HEPH: variants seen among roughly 807,000 people sequenced by gnomAD.
The protein encoded by HEPH is hephaestin.
In HEPH, 69 loss-of-function variants were observed where a neutral mutation model predicts 80.8. That is an observed-to-expected ratio of 0.85 (90% CI 0.70 to 1.04). The LOEUF is 1.04. Among genes scored for constraint, HEPH ranks in the 50% least tolerant of loss-of-function variants. The pLI, the probability that HEPH is intolerant of heterozygous loss-of-function variation, is 0.00. For missense variants in HEPH, 1,115 were observed against 891.3 expected (o/e 1.25, Z -3.20); for synonymous variants, 431 against 322.8 (o/e 1.34, Z -3.60).
chrX:66,252,101 C>T (rs759937233), intron 15 of HEPH, among the ~76,000 whole-genome samples: 4 of 111,265 alleles, frequency 3.6e-5, no homozygotes, highest in African/African-American at 6.5e-5. Flanking sequence ...ATGAGATAGA[C>T]TTTTCAGGTA....
chrX:66,197,457 G>A (rs2088164767), intron 9 of HEPH, among the ~76,000 whole-genome samples: 1 of 111,303 alleles, frequency 9.0e-6, no homozygotes, highest in African/African-American at 3.3e-5. Flanking sequence ...CTGAAACATA[G>A]GGAAGATTAA....
Position 66,193,619 on chromosome X carries a change from T to A in HEPH, c.1350T>A (p.Asp450Glu). 8.4e-7 allele frequency: 1 copy of A among 1,189,081 alleles called. No homozygotes were observed. Among genetic ancestry groups the A allele is most frequent in the South Asian group, 1.9e-5 (1 of 53,089 alleles). The change falls in exon 8 of 21, where the codon GAT (aspartate) becomes GAA (glutamate). Residue 450 changes from aspartate to glutamate, a missense_variant. By Grantham distance (45) the Asp-to-Glu change is conservative. This residue lies in a region of HEPH where 391 missense variants were observed against 343.6 expected (regional missense o/e 1.14). Coordinates refer to ENST00000343002, the MANE Select transcript of HEPH (RefSeq NM_001367233.3). Reference protein sequence around the residue: ...TFQEKMHLEEDRHLGILGPVI... With the variant: ...TFQEKMHLEEERHLGILGPVI... ...AAGAGAAGATGCATTTGGAGGAAGA[T>A]AGGCATCTTGGAATCCTGGGTGAGG...
rs1569318899 is a variant in HEPH at position 66,197,741 on chromosome X, A to T, written c.1560A>T (p.Thr520=). 1 of 1,211,746 alleles carries T rather than the reference A, an allele frequency of 8.3e-7. No homozygotes were observed. Among genetic ancestry groups the T allele is most frequent in the Non-Finnish European group, 1.1e-6 (1 of 895,398 alleles). Residue 520 remains threonine (T), a synonymous_variant, in exon 10 of 21, where the codon ACA becomes ACT. Transcript: ENST00000343002. ...TTGAGAAAGTAACATACCGCTGGAC[A>T]GTCCCCCCTCATGCCGGTCCCACTG... ...KPFEKVTYRW[T]VPPHAGPTAQ... is the part of the protein sequence containing the mutation.
At chrX:66,240,561 A>G (rs2090532301) in intron 15 of HEPH, among the ~76,000 whole-genome samples, 2 of 110,548 alleles carry the variant, frequency 1.8e-5, no homozygotes, top group African/African-American at 3.3e-5. Flanking sequence ...ATACAACGTA[A>G]AATCTACTGA....
chrX:66,265,221 A>G lies in HEPH; in HGVS notation c.3245-1219A>G, dbSNP rs913397647. Among the ~76,000 whole-genome samples the G allele has an allele frequency of 2.7e-4, 30 of 110,954 alleles. 1 individual carries two copies. Among genetic ancestry groups the G allele is most frequent in the African/African-American group, 9.8e-4 (30 of 30,529 alleles). On this transcript the variant is annotated intron_variant, in intron 20 of 20. Transcript: ENST00000343002. ...GAATTACATTGATTGATGTTGATGA[A>G]CAATCATCAAACAAGTGTCAGGTAC...
At position 66,255,136 on chromosome X, in the gene HEPH, A is replaced by T; in HGVS notation, c.2665A>T (p.Ile889Phe). 4.2e-6 allele frequency: 5 copies of T among 1,181,145 alleles called. No individual in the cohort carries two copies. The highest frequency in any genetic ancestry group is 5.7e-6 in the Non-Finnish European group (5 of 870,568). Residue 889 changes from isoleucine to phenylalanine, a missense_variant, in exon 16 of 21, where the codon ATC (isoleucine) becomes TTC (phenylalanine). Physicochemically the swap from Ile to Phe is conservative, Grantham distance 21. This residue lies in a region of HEPH where 716 missense variants were observed against 523.5 expected (regional missense o/e 1.37). Coordinates refer to ENST00000343002, the MANE Select transcript of HEPH (RefSeq NM_001367233.3). ...GATCTATTATTCTGCAGTGGATCCC[A>T]TCAAGGTAAATACAAGATTGGCTAC... Reference protein sequence around the residue: ...SWIYYSAVDPIKDMYSGLVGP... With the variant: ...SWIYYSAVDPFKDMYSGLVGP...
At chrX:66,210,506 G>T (rs2089055252) in intron 15 of HEPH, among the ~76,000 whole-genome samples, 1 of 111,244 alleles carries the variant, frequency 9.0e-6, no homozygotes, top group Non-Finnish European at 1.9e-5. Context: ...TAGAGTGTTG[G>T]ATAAATCATC....
intron 11 of HEPH, among the ~76,000 whole-genome samples, chrX:66,199,254 C>T (rs765927612): frequency 1.8e-5 from 2 of 111,254 alleles, no homozygotes; most frequent in East Asian, 5.6e-4. Flanking sequence ...GAAAGTACTG[C>T]AAAATGAGGG....
At chrX:66,194,485 G>A (rs1255631639) in intron 8 of HEPH, among the ~76,000 whole-genome samples, 2 of 111,973 alleles carry the variant, frequency 1.8e-5, no homozygotes, top group African/African-American at 6.5e-5. Context: ...CCCAGTTTTG[G>A]TACTTTTTGT....
chrX:66,189,624 C>G lies in HEPH; in HGVS notation c.809-60C>G, dbSNP rs1602265703. The stretch of plus-strand genomic sequence containing the variant: ...TATCTATTATTGTCAAATGGTAAGG[C>G]TTCTTCCATTTGGCTGTCCTTTCCT... On this transcript the variant is annotated intron_variant, in intron 5 of 20. Transcript: ENST00000343002. 5 of 1,127,515 alleles carry G rather than the reference C, an allele frequency of 4.4e-6. No homozygotes were observed. The Middle Eastern group carries it at 9.9e-4, about 223-fold the overall frequency. The allele number at this position is 1,127,515 out of a possible 1,213,427, so 92.9% of individuals were successfully genotyped here.
chrX:66,186,385 T>C (rs201569371), intron 4 of HEPH, among the ~76,000 whole-genome samples: 1 of 110,664 alleles, frequency 9.0e-6, no homozygotes. Flanking sequence ...TCTGAGCCAG[T>C]TGTGGGATAT....
At chrX:66,206,478 T>A (rs960648227) in intron 13 of HEPH, among the ~76,000 whole-genome samples, 1 of 101,384 alleles carries the variant, frequency 9.9e-6, no homozygotes, top group Non-Finnish European at 2.0e-5. Context: ...TTCTTGTGCC[T>A]CAGCCACCCA....
intron 15 of HEPH, 23 bp downstream of exon 15, chrX:66,208,269 A>G (rs776332609): frequency 1.1e-5 from 13 of 1,191,779 alleles, no homozygotes; most frequent in Non-Finnish European, 1.5e-5. Flanking sequence ...ACTTAGTGAA[A>G]GAACAAAGGA....
Position 66,266,867 on chromosome X carries a change from C to A in HEPH, c.*195C>A. 2 of 414,682 alleles carry A rather than the reference C, an allele frequency of 4.8e-6. No homozygotes were observed. Among genetic ancestry groups the A allele is most frequent in the Non-Finnish European group, 8.3e-6 (2 of 239,834 alleles). 34.2% of individuals were successfully genotyped at this position (414,682 alleles called of 1,213,427 possible). A position where few individuals can be genotyped will look rare whatever the true frequency, so the allele number is the denominator to read the frequency against. On this transcript the variant is annotated 3_prime_UTR_variant, in exon 21 of 21. Coordinates refer to ENST00000343002, the MANE Select transcript of HEPH (RefSeq NM_001367233.3). ...TATGATTTCACTTTTTCTTTAGTTT[C>A]TTTGCTCTACGTGGGCACCTGGCAC...
At chrX:66,219,855 G>A (rs2089564464) in intron 15 of HEPH, among the ~76,000 whole-genome samples, 1 of 111,190 alleles carries the variant, frequency 9.0e-6, no homozygotes, top group Non-Finnish European at 1.9e-5. Flanking sequence ...ATAATCCAGT[G>A]GGGGCTGTCC....
chrX:66,195,701 C>G (rs969548283), intron 9 of HEPH, among the ~76,000 whole-genome samples: 1 of 111,072 alleles, frequency 9.0e-6, no homozygotes, highest in East Asian at 2.8e-4. Context: ...CACTTTATCT[C>G]AAGGATTTGT....
intron 15 of HEPH, among the ~76,000 whole-genome samples, chrX:66,214,954 G>A (rs956590087): frequency 3.6e-5 from 4 of 110,983 alleles, no homozygotes; most frequent in South Asian, 3.7e-4. Context: ...GATTTACTTA[G>A]GTGTATGTTA....
At chrX:66,209,622 G>T (rs758192750) in intron 15 of HEPH, among the ~76,000 whole-genome samples, 52 of 112,450 alleles carry the variant, frequency 4.6e-4, no homozygotes, top group African/African-American at 1.6e-3. Flanking sequence ...ATTCTAAAAA[G>T]ATCAATGAGG....
At chrX:66,260,057 A>G (rs202197494) in intron 18 of HEPH, 43 bp from the exon 19 acceptor site, 1 of 1,158,366 alleles carries the variant, frequency 8.6e-7, no homozygotes, top group Admixed American at 2.2e-5. Context: ...GATGATTTTT[A>G]TACCCTTCAC....
Sources: allele counts gnomAD v4.1 joint callset (sites outside exome capture counted in the v4.1 genomes callset), GRCh38; gene constraint gnomAD v4.1.1; regional missense constraint gnomAD v4.1.1; transcripts MANE v1.5; gene names NCBI Gene and HGNC (gene_info 2026-07-23, HGNC 2026-07-21).